Variants in ADAMTSL3 observed in about 807,000 individuals in gnomAD.
ADAMTSL3 encodes ADAMTS like 3, also known as ADAMTS-like protein 3.
Under a neutral mutation model 201.7 loss-of-function variants are expected in ADAMTSL3, and 128 were observed. That is an observed-to-expected ratio of 0.63 (90% confidence interval 0.55 to 0.73). The LOEUF is 0.73. Ranked by LOEUF, ADAMTSL3 falls within the 30% of genes least tolerant of loss-of-function variation. ADAMTSL3 has a pLI of 0.00. For missense variants in ADAMTSL3, 1,990 were observed against 2,119.6 expected (o/e 0.94, Z 1.20); for synonymous variants, 738 against 748.4 (o/e 0.99, Z 0.23).
At chr15:83,792,581 A>C (rs919879516) in intron 4 of ADAMTSL3, among the ~76,000 whole-genome samples, 1 of 152,144 alleles carries the variant, frequency 6.6e-6, no homozygotes, top group African/African-American at 2.4e-5. Context: ...GTCAGGAGTT[A>C]GAGACCAGCC....
chr15:83,763,164 T>G (rs920278528), intron 3 of ADAMTSL3, among the ~76,000 whole-genome samples: 2 of 152,210 alleles, frequency 1.3e-5, no homozygotes, highest in African/African-American at 4.8e-5. Context: ...GTGTTGGGAT[T>G]ACAGGCATGA....
chr15:83,901,238 G>T (rs543646745), intron 15 of ADAMTSL3, among the ~76,000 whole-genome samples: 1 of 152,104 alleles, frequency 6.6e-6, no homozygotes, highest in African/African-American at 2.4e-5. Context: ...CCTGACAGAA[G>T]CTTGGAGATT....
At chr15:83,845,927 A>G (rs2064488595) in intron 7 of ADAMTSL3, among the ~76,000 whole-genome samples, 1 of 152,028 alleles carries the variant, frequency 6.6e-6, no homozygotes, top group Admixed American at 6.6e-5. Context: ...CTCCTCAAGA[A>G]CCTCATGCAC....
At chr15:83,779,762 C>G (rs975194243) in intron 4 of ADAMTSL3, among the ~76,000 whole-genome samples, 2 of 136,508 alleles carry the variant, frequency 1.5e-5, no homozygotes. Flanking sequence ...AATTAGAAAA[C>G]AAGACTAAAA....
intron 6 of ADAMTSL3, among the ~76,000 whole-genome samples, chr15:83,822,967 C>T (rs1348909125): frequency 3.0e-4 from 46 of 151,888 alleles, no homozygotes; most frequent in South Asian, 2.1e-4. Context: ...CGGAGGCTGG[C>T]GGATCACTCG....
At chr15:83,935,820 G>T (rs1336636778) in intron 17 of ADAMTSL3, among the ~76,000 whole-genome samples, 1 of 152,018 alleles carries the variant, frequency 6.6e-6, no homozygotes, top group Non-Finnish European at 1.5e-5. Flanking sequence ...TATGCAGCAG[G>T]TGTCAACAAA....
In ADAMTSL3 at chr15:83,891,185, T is replaced by G. The variant is rs566452140; in HGVS notation, c.1212-144T>G. The G allele has an allele frequency of 1.3e-5, 8 of 597,890 alleles. No individual in the cohort carries two copies. The South Asian group carries it at 1.5e-4, about 11-fold the overall frequency. The allele number at this position is 597,890 out of a possible 1,614,324, so 37.0% of individuals were successfully genotyped here. On this transcript the variant is annotated intron_variant, in intron 11 of 29. Transcript: ENST00000286744. ...ACTAAAGAGATGGTGGCTGAATTTT[T>G]GGGAATGGTTGATAACACTTGATAT...
At chr15:84,021,184 G>C (rs2068198897) in intron 25 of ADAMTSL3, among the ~76,000 whole-genome samples, 1 of 152,154 alleles carries the variant, frequency 6.6e-6, no homozygotes, top group Non-Finnish European at 1.5e-5. Flanking sequence ...TCTCCAGACT[G>C]TGGTCCAAGG....
At chr15:83,874,942 G>A (rs545051511) in intron 9 of ADAMTSL3, among the ~76,000 whole-genome samples, 2 of 145,540 alleles carry the variant, frequency 1.4e-5, no homozygotes, top group African/African-American at 2.6e-5. Context: ...GACCTTCTCA[G>A]CGAGGAAACC....
At chr15:83,952,425 C>T (rs2066774655) in intron 19 of ADAMTSL3, among the ~76,000 whole-genome samples, 1 of 152,140 alleles carries the variant, frequency 6.6e-6, no homozygotes, top group Non-Finnish European at 1.5e-5. Flanking sequence ...AATGTGTATT[C>T]TGCAGCCACT....
In ADAMTSL3 at chr15:83,976,343, A is replaced by G. The variant is rs148849462; in HGVS notation, c.2644+5706A>G. ...CCAGCACACCACTGGACAGGAGGAA[A>G]TCTAGATCAGTGGTCTACAGCCATT... On this transcript the variant is annotated intron_variant, in intron 20 of 29. Coordinates refer to ENST00000286744, the MANE Select transcript of ADAMTSL3 (RefSeq NM_207517.3). Among the ~76,000 whole-genome samples the G allele has an allele frequency of 8.6e-3, 1,307 of 152,164 alleles. 8 individuals carry two copies. The highest frequency in any genetic ancestry group is 0.031 in the Middle Eastern group (9 of 294).
chr15:83,938,818 G>A (rs1308073432), intron 17 of ADAMTSL3, among the ~76,000 whole-genome samples: 1 of 152,120 alleles, frequency 6.6e-6, no homozygotes, highest in Non-Finnish European at 1.5e-5. Context: ...TGTTTCATTT[G>A]TATGGGGGAA....
intron 2 of ADAMTSL3, among the ~76,000 whole-genome samples, chr15:83,699,564 G>A (rs973276615): frequency 2.0e-5 from 3 of 152,134 alleles, no homozygotes; most frequent in African/African-American, 7.2e-5. Flanking sequence ...TTCTAGCTCA[G>A]TCTCCACAAA....
At chr15:83,809,517 A>G (rs1255429049) in intron 5 of ADAMTSL3, among the ~76,000 whole-genome samples, 1 of 152,196 alleles carries the variant, frequency 6.6e-6, no homozygotes, top group Admixed American at 6.5e-5. Flanking sequence ...CAGACAGCAG[A>G]CAGCCTTCCC....
chr15:83,857,560 A>G (rs2064765668), intron 7 of ADAMTSL3, among the ~76,000 whole-genome samples: 1 of 152,178 alleles, frequency 6.6e-6, no homozygotes, highest in African/African-American at 2.4e-5. Flanking sequence ...GGTACGGTTC[A>G]GTCTTTCCTT....
intron 29 of ADAMTSL3, 132 bp downstream of exon 29, chr15:84,037,119 TG>T (rs2068526362): frequency 1.0e-6 from 1 of 972,664 alleles, no homozygotes; most frequent in Non-Finnish European, 1.5e-6. Context: ...CTATTCAGAA[TG>T]GATTTGGTAG....
intron 2 of ADAMTSL3, among the ~76,000 whole-genome samples, chr15:83,693,018 G>T (rs2061633835): frequency 1.3e-5 from 2 of 152,244 alleles, no homozygotes; most frequent in South Asian, 4.2e-4. Flanking sequence ...TTGTCAGGTT[G>T]GGAGGTGTCT....
chr15:83,804,766 G>A, intron 5 of ADAMTSL3, 71 bp downstream of exon 5: 1 of 1,242,326 alleles, frequency 8.0e-7, no homozygotes, highest in Non-Finnish European at 1.1e-6. Flanking sequence ...ATTCCAATGT[G>A]TACTCTAAAA....
intron 3 of ADAMTSL3, among the ~76,000 whole-genome samples, chr15:83,737,131 G>A (rs2062380616): frequency 6.6e-6 from 1 of 152,172 alleles, no homozygotes; most frequent in African/African-American, 2.4e-5. Context: ...ATCATAGATT[G>A]GCTGATAAGC....
Sources: allele counts gnomAD v4.1 joint callset (sites outside exome capture counted in the v4.1 genomes callset), GRCh38; gene constraint gnomAD v4.1.1; transcripts MANE v1.5; gene names NCBI Gene and HGNC (gene_info 2026-07-23, HGNC 2026-07-21).